Variants in NEO1 observed in about 807,000 individuals in gnomAD.
NEO1 encodes neogenin.
Under a neutral mutation model 159.7 loss-of-function variants are expected in NEO1, and 63 were observed. That is an observed-to-expected ratio of 0.39 (90% CI 0.32 to 0.49). The LOEUF (loss-of-function observed/expected upper bound fraction) is 0.49. Ranked by LOEUF, NEO1 falls within the 20% of genes least tolerant of loss-of-function variation. The pLI, the probability that NEO1 is intolerant of heterozygous loss-of-function variation, is 0.85. For missense variants in NEO1, 1,615 were observed against 1,831.0 expected (o/e 0.88, Z 2.15); for synonymous variants, 633 against 662.0 (o/e 0.96, Z 0.67).
chr15:73,236,742 G>A (rs902166418), intron 8 of NEO1, among the ~76,000 whole-genome samples: 7 of 152,180 alleles, frequency 4.6e-5, no homozygotes, highest in Admixed American at 2.6e-4. Flanking sequence ...TGAGGTGGAC[G>A]TATTTAAATG....
intron 1 of NEO1, among the ~76,000 whole-genome samples, chr15:73,109,890 A>C (rs2151567889): frequency 6.6e-6 from 1 of 152,286 alleles, no homozygotes; most frequent in South Asian, 2.1e-4. Context: ...GATGTGTCTG[A>C]GGTAGATCAG....
intron 7 of NEO1, among the ~76,000 whole-genome samples, chr15:73,233,563 A>G (rs191953675): frequency 4.9e-4 from 74 of 152,286 alleles, no homozygotes; most frequent in Middle Eastern, 3.4e-3. Context: ...AAATTGATAC[A>G]TATTTTGTCC....
rs118153464 is a variant in NEO1, at chr15:73,085,293, G to A, written c.131-31247G>A. 2.7e-3 allele frequency among the ~76,000 whole-genome samples: 411 copies of A among 152,118 alleles called. 5 individuals carry two copies. Among genetic ancestry groups the A allele is most frequent in the Admixed American group, 5.8e-3 (89 of 15,272 alleles). On this transcript the variant is annotated intron_variant, in intron 1 of 28. Transcript: ENST00000261908. ...CACAACAACATAGATGAATCTCAAT[G>A]TTGTATGAAAGTTTGTTCCTTTTCA...
At position 73,266,398 on chromosome 15, in the gene NEO1, C is replaced by G. The variant is rs758979196; in HGVS notation, c.2481C>G (p.Thr827=). 3.7e-6 allele frequency: 6 copies of G among 1,612,388 alleles called. No individual in the cohort carries two copies. Among genetic ancestry groups the G allele is most frequent in the Non-Finnish European group, 5.1e-6 (6 of 1,179,056 alleles). ...TCCCCCTGTATGAGAGTGCTGTGAC[C>G]AGGCCTCACACAGGTAAGGTATCCT... is the stretch of plus-strand genomic sequence containing the variant. The part of the protein sequence containing the change: ...EGIPLYESAV[T]RPHTDTSEVD... Residue 827 remains threonine, a synonymous_variant, in exon 16 of 29, where the codon ACC becomes ACG. Transcript: ENST00000261908.
chr15:73,302,713 C>T lies in NEO1; in HGVS notation c.*17C>T, dbSNP rs1049892740. 2 of 1,611,188 alleles carry T rather than the reference C, an allele frequency of 1.2e-6. No homozygotes were observed. Among genetic ancestry groups the T allele is most frequent in the African/African-American group, 1.3e-5 (1 of 74,842 alleles). ...ACAGCATGACGACCTTCACCAGGAC[C>T]TGACTTCAAACCTGAGTCTGGAAGT... On this transcript the variant is annotated 3_prime_UTR_variant, in exon 29 of 29. Transcript: ENST00000261908.
intron 8 of NEO1, among the ~76,000 whole-genome samples, chr15:73,238,578 A>G (rs1200989857): frequency 2.6e-5 from 4 of 151,714 alleles, no homozygotes; most frequent in African/African-American, 9.7e-5. Context: ...TTTAAAATCT[A>G]TAAATATATT....
At chr15:73,092,248 A>C (rs1304188953) in intron 1 of NEO1, among the ~76,000 whole-genome samples, 1 of 152,168 alleles carries the variant, frequency 6.6e-6, no homozygotes, top group Non-Finnish European at 1.5e-5. Flanking sequence ...TGAGATAGAG[A>C]TATCAATTTA....
intron 22 of NEO1, among the ~76,000 whole-genome samples, chr15:73,280,664 T>G (rs1299531052): frequency 6.6e-6 from 1 of 152,174 alleles, no homozygotes; most frequent in Non-Finnish European, 1.5e-5. Context: ...TTCCCAAATA[T>G]AAAAACATTA....
chr15:73,188,036 C>CT (rs932836599), intron 7 of NEO1, among the ~76,000 whole-genome samples: 58 of 152,134 alleles, frequency 3.8e-4, no homozygotes, highest in Non-Finnish European at 1.9e-4. Flanking sequence ...TCAGTGAAGT[C>CT]TGTCAGAATT....
intron 7 of NEO1, among the ~76,000 whole-genome samples, chr15:73,230,792 A>G (rs1019909568): frequency 6.6e-6 from 1 of 151,978 alleles, no homozygotes; most frequent in African/African-American, 2.4e-5. Flanking sequence ...GGGTCTCACT[A>G]TGTTGCCCAG....
intron 7 of NEO1, among the ~76,000 whole-genome samples, chr15:73,231,854 G>C (rs1443195774): frequency 6.6e-6 from 1 of 152,194 alleles, no homozygotes; most frequent in African/African-American, 2.4e-5. Context: ...CTCTGATGCA[G>C]CACTTGTACC....
In NEO1 at chr15:73,103,178, A is replaced by G. The variant is rs545150145; in HGVS notation, c.131-13362A>G. Among the ~76,000 whole-genome samples, 454 of 152,266 alleles carry G rather than the reference A, an allele frequency of 3.0e-3. 4 individuals carry two copies. Among genetic ancestry groups the G allele is most frequent in the African/African-American group, 0.01 (431 of 41,572 alleles). On this transcript the variant is annotated intron_variant, in intron 1 of 28. Coordinates refer to ENST00000261908, the MANE Select transcript of NEO1 (RefSeq NM_002499.4). ...TTCCCAACTGGTTTCCCTATCTCCA[A>G]TCTTGTTCCCTTTAAACTAATCTCC...
intron 22 of NEO1, among the ~76,000 whole-genome samples, chr15:73,279,817 A>G (rs1434775498): frequency 1.3e-5 from 2 of 152,186 alleles, no homozygotes; most frequent in African/African-American, 4.8e-5. Context: ...GGGATTGGAC[A>G]TTCCAGGAAG....
At chr15:73,068,231 C>CCCCCCCCCCCCG (rs55919404) in intron 1 of NEO1, among the ~76,000 whole-genome samples, 12 of 120,552 alleles carry the variant, frequency 1.0e-4, no homozygotes, top group South Asian at 3.2e-4. Context: ...CTACCCCCCC[C>CCCCCCCCCCCCG]CCTTTTTTTT....
Position 73,239,825 on chromosome 15 carries a change from G to A in NEO1, c.1451+3319G>A, listed in dbSNP as rs1019463277. ...GCAGTGCATGACTGTATGTATACCC[G>A]TAAGTATGGTGGCAGCAGTTTTTTT... On this transcript the variant is annotated intron_variant, in intron 8 of 28. Coordinates refer to ENST00000261908, the MANE Select transcript of NEO1 (RefSeq NM_002499.4). Among the ~76,000 whole-genome samples, 4 of 152,182 alleles carry A rather than the reference G, an allele frequency of 2.6e-5. No homozygotes were observed. The South Asian group carries it at 6.2e-4, about 24-fold the overall frequency.
chr15:73,147,717 ATAAT>A (rs1197344252), intron 5 of NEO1, among the ~76,000 whole-genome samples: 1 of 152,122 alleles, frequency 6.6e-6, no homozygotes, highest in Non-Finnish European at 1.5e-5. Flanking sequence ...GCATTCCTTA[ATAAT>A]TAGCCCACTC....
At position 73,161,853 on chromosome 15, in the gene NEO1, C is replaced by T. The variant is rs114719429; in HGVS notation, c.1016-14550C>T. 6.2e-3 allele frequency: 1,405 copies of T among 226,454 alleles called. 24 individuals carry two copies. Among genetic ancestry groups the T allele is most frequent in the African/African-American group, 0.03 (1,322 of 43,504 alleles). The allele number at this position is 226,454 out of a possible 1,614,324, so 14.0% of individuals were successfully genotyped here. ...CAGAAGCAATTCTTTATATAATTGACGAACTTGGCTTCCACTTTGGGAAGA... is the reference window on the plus strand; with the variant it reads ...CAGAAGCAATTCTTTATATAATTGATGAACTTGGCTTCCACTTTGGGAAGA... On this transcript the variant is annotated intron_variant, in intron 5 of 28. Transcript: ENST00000261908.
chr15:73,265,115 C>T (rs2040825049), intron 15 of NEO1, among the ~76,000 whole-genome samples: 1 of 152,026 alleles, frequency 6.6e-6, no homozygotes, highest in Admixed American at 6.6e-5. Context: ...ACACAGTGCT[C>T]AGTGAACTGA....
At chr15:73,140,385 A>G (rs1005722286) in intron 5 of NEO1, among the ~76,000 whole-genome samples, 7 of 152,094 alleles carry the variant, frequency 4.6e-5, no homozygotes, top group South Asian at 2.1e-4. Context: ...GTGAGACCCT[A>G]TATCTACAAA....
Sources: gnomAD v4.1 joint callset for allele counts (sites outside exome capture counted in the v4.1 genomes callset) on GRCh38, gnomAD v4.1.1 for gene constraint, MANE v1.5 for transcripts, NCBI Gene and HGNC (gene_info 2026-07-23, HGNC 2026-07-21) for gene names.